TENM2: variants seen among roughly 807,000 people sequenced by gnomAD.
TENM2 encodes the protein teneurin transmembrane protein 2, also known as teneurin-2.
In TENM2, 52 loss-of-function variants were observed where a neutral mutation model predicts 245.2. The ratio of observed to expected loss-of-function variants is 0.21; its 90% CI spans 0.17 to 0.27. TENM2 has a LOEUF of 0.27. Ranked by LOEUF, TENM2 falls within the 10% of genes least tolerant of loss-of-function variation. The pLI, the probability that TENM2 is intolerant of heterozygous loss-of-function variation, is 1.00. For synonymous variants in TENM2, 1,363 were observed against 1,438.9 expected (o/e 0.95, Z 1.19); for missense variants, 3,046 against 3,666.8 (o/e 0.83, Z 4.37).
intron 2 of TENM2, among the ~76,000 whole-genome samples, chr5:167,500,098 G>A (rs1200299489): frequency 6.6e-6 from 1 of 151,472 alleles, no homozygotes; most frequent in African/African-American, 2.4e-5. Flanking sequence ...TCTACAAGAT[G>A]TGGGTGTAAA....
intron 2 of TENM2, among the ~76,000 whole-genome samples, chr5:167,746,810 ATG>A (rs748096461): frequency 1.3e-5 from 2 of 151,804 alleles, no homozygotes; most frequent in African/African-American, 4.8e-5. Context: ...ATCTGCAGAT[ATG>A]TGTGTGTGTG....
chr5:168,133,476 T>C (rs1156973311), intron 12 of TENM2, among the ~76,000 whole-genome samples: 1 of 152,204 alleles, frequency 6.6e-6, no homozygotes, highest in Non-Finnish European at 1.5e-5. Flanking sequence ...TATGAATGGG[T>C]TATTCTAATG....
At chr5:168,171,578 T>C (rs1758830834) in intron 13 of TENM2, among the ~76,000 whole-genome samples, 2 of 152,204 alleles carry the variant, frequency 1.3e-5, no homozygotes, top group Admixed American at 1.3e-4. Flanking sequence ...TTAGTTGTGT[T>C]CTTTTTTAAA....
At chr5:167,950,827 C>A (rs1424828013) in intron 3 of TENM2, among the ~76,000 whole-genome samples, 4 of 152,126 alleles carry the variant, frequency 2.6e-5, no homozygotes, top group African/African-American at 9.7e-5. Flanking sequence ...AGCTATGAAA[C>A]TCTCCCAAAG....
chr5:168,046,091 C>T (rs936459699), intron 5 of TENM2, among the ~76,000 whole-genome samples: 3 of 152,194 alleles, frequency 2.0e-5, no homozygotes, highest in Non-Finnish European at 2.9e-5. Context: ...CACACACACA[C>T]GGACACCTTG....
intron 12 of TENM2, among the ~76,000 whole-genome samples, chr5:168,149,915 T>C (rs988445188): frequency 3.9e-5 from 6 of 152,212 alleles, no homozygotes; most frequent in African/African-American, 1.4e-4. Flanking sequence ...CCTGTGCTAC[T>C]ATCTCCCAAA....
At chr5:167,059,093 A>G in the TENM2 span, among the ~76,000 whole-genome samples, 8 of 152,322 alleles carry the variant, frequency 5.3e-5, no homozygotes, top group Non-Finnish European at 8.8e-5. Flanking sequence ...AAAGTCTGCA[A>G]ACCTCTGATA....
chr5:167,157,585 C>T, the TENM2 span, among the ~76,000 whole-genome samples: 1 of 152,134 alleles, frequency 6.6e-6, no homozygotes, highest in African/African-American at 2.4e-5. Flanking sequence ...CTGGGAAAAA[C>T]ACAGCTTAGG....
chr5:167,823,423 A>G (rs2151050664), intron 2 of TENM2, among the ~76,000 whole-genome samples: 1 of 152,230 alleles, frequency 6.6e-6, no homozygotes, highest in Admixed American at 6.5e-5. Context: ...CACAATGTAC[A>G]AGTCTACAAA....
At chr5:167,182,837 C>T in the TENM2 span, among the ~76,000 whole-genome samples, 4 of 152,070 alleles carry the variant, frequency 2.6e-5, no homozygotes, top group African/African-American at 9.7e-5. Flanking sequence ...CTTTTGAGTT[C>T]AAAATTATTT....
chr5:166,999,231 T>C, the TENM2 span, among the ~76,000 whole-genome samples: 3 of 152,070 alleles, frequency 2.0e-5, no homozygotes, highest in Non-Finnish European at 4.4e-5. Flanking sequence ...CGGATGGATA[T>C]GGGATATGGT....
At chr5:167,764,900 G>A (rs1425200868) in intron 2 of TENM2, among the ~76,000 whole-genome samples, 2 of 151,992 alleles carry the variant, frequency 1.3e-5, no homozygotes, top group African/African-American at 4.8e-5. Context: ...ATGTTCCAGA[G>A]AGATCTCCAG....
At chr5:167,180,055 T>C in the TENM2 span, among the ~76,000 whole-genome samples, 1 of 151,204 alleles carries the variant, frequency 6.6e-6, no homozygotes, top group Non-Finnish European at 1.5e-5. Context: ...TTTGGCTGTG[T>C]CCTCCCACCT....
the TENM2 span, among the ~76,000 whole-genome samples, chr5:167,175,859 G>A: frequency 6.6e-6 from 1 of 152,204 alleles, no homozygotes; most frequent in South Asian, 2.1e-4. Flanking sequence ...ACAGGCGCGT[G>A]CCGTGACACA....
intron 1 of TENM2, among the ~76,000 whole-genome samples, chr5:167,287,157 G>T (rs1754328291): frequency 6.6e-6 from 1 of 152,194 alleles, no homozygotes; most frequent in Non-Finnish European, 1.5e-5. Context: ...GATCTACTTT[G>T]ATGGGTTCTA....
chr5:167,822,378 G>A (rs1280887865), intron 2 of TENM2, among the ~76,000 whole-genome samples: 2 of 152,094 alleles, frequency 1.3e-5, no homozygotes, highest in Non-Finnish European at 2.9e-5. Context: ...TTAAGTGCAG[G>A]GAAATGCAAT....
intron 15 of TENM2, among the ~76,000 whole-genome samples, chr5:168,197,237 A>G (rs1446180950): frequency 6.6e-6 from 1 of 152,196 alleles, no homozygotes; most frequent in East Asian, 1.9e-4. Context: ...TAATATTCCT[A>G]TGCTCCCTGT....
intron 4 of TENM2, among the ~76,000 whole-genome samples, chr5:167,976,349 T>C (rs968598904): frequency 6.6e-6 from 1 of 152,020 alleles, no homozygotes; most frequent in Admixed American, 6.6e-5. Context: ...AAGAAGGGTA[T>C]ATATATATAA....
chr5:167,454,361 G>T (rs1765776954), intron 2 of TENM2, among the ~76,000 whole-genome samples: 2 of 152,070 alleles, frequency 1.3e-5, no homozygotes, highest in African/African-American at 4.8e-5. Flanking sequence ...GAATTTGTTG[G>T]CTTATGTAAT....
Sources: allele counts gnomAD v4.1 joint callset (sites outside exome capture counted in the v4.1 genomes callset), GRCh38; gene constraint gnomAD v4.1.1; transcripts MANE v1.5; gene names NCBI Gene and HGNC (gene_info 2026-07-23, HGNC 2026-07-21).